SEH1L: variants seen among roughly 807,000 people sequenced by gnomAD.
SEH1L encodes nucleoporin SEH1.
Under a neutral mutation model 49.5 loss-of-function variants are expected in SEH1L, and 18 were observed. That is an observed-to-expected ratio of 0.36 (90% CI 0.25 to 0.54). SEH1L has a LOEUF of 0.54. SEH1L is among the 20% of genes least tolerant of loss of function. SEH1L has a pLI of 0.87. For synonymous variants in SEH1L, 169 were observed against 178.1 expected, an observed-to-expected ratio of 0.95 and a Z score of 0.41; for missense variants, 404 against 528.8, an observed-to-expected ratio of 0.76 and a Z score of 2.31.
intron 1 of SEH1L, among the ~76,000 whole-genome samples, chr18:12,949,949 A>G (rs1310152959): frequency 1.3e-5 from 2 of 152,118 alleles, no homozygotes; most frequent in African/African-American, 2.4e-5. Context: ...TGCATATTCT[A>G]GGTACCTCAG....
intron 1 of SEH1L, among the ~76,000 whole-genome samples, chr18:12,949,213 C>T (rs2030337794): frequency 6.6e-6 from 1 of 151,204 alleles, no homozygotes; most frequent in Non-Finnish European, 1.5e-5. Flanking sequence ...GATTTAGGAA[C>T]CTCCCAGATG....
intron 5 of SEH1L, chr18:12,975,882 C>T (rs778025117): frequency 2.1e-5 from 21 of 985,526 alleles, no homozygotes; most frequent in Non-Finnish European, 2.4e-5. Flanking sequence ...CTGTAGGTCA[C>T]GTGAGTCTTG....
rs117978838 is a variant in SEH1L at position 12,951,879 on chromosome 18, G to A, written c.136G>A (p.Asp46Asn). The A allele has an allele frequency of 0.015, 24,160 of 1,574,788 alleles. 247 individuals carry two copies. The highest frequency in any genetic ancestry group is 0.033 in the Middle Eastern group (197 of 5,944). The change falls in exon 2 of 9, where the codon GAT (aspartate) becomes AAT (asparagine). Residue 46 changes from aspartate to asparagine, a missense_variant. Around this residue, in one of 3 missense-constraint regions of SEH1L, gnomAD observed 57 missense variants for 71.9 expected, o/e 0.79. Transcript: ENST00000399892. ...GGTCTGGGATAAAAGTGAAAGTGGT[G>A]ATTGGCATTGTACTGCTAGCTGGAA... is the stretch of plus-strand genomic sequence containing the variant. ...VKVWDKSESGDWHCTASWKTH... is the reference protein window; with the variant it reads ...VKVWDKSESGNWHCTASWKTH...
chr18:12,985,456 T>A, intron 8 of SEH1L: 1 of 1,280,090 alleles, frequency 7.8e-7, no homozygotes, highest in East Asian at 3.1e-5. Context: ...TTGACACTAT[T>A]TGAAACTTTT....
intron 3 of SEH1L, among the ~76,000 whole-genome samples, chr18:12,959,023 T>A (rs771008612): frequency 6.6e-6 from 1 of 152,222 alleles, no homozygotes; most frequent in Non-Finnish European, 1.5e-5. Flanking sequence ...GTGGTGCTAT[T>A]TATTGTAGCC....
rs769395799 is a variant in SEH1L at position 12,978,886 on chromosome 18, C to T, written c.755C>T (p.Pro252Leu). ...GATGTGAGAATTTTTACATTAAAGC[C>T]TGTGAGGTGAGTTTTAGAAGCATTT... ...TKDVRIFTLK[P>L]VRKELTSSGG... The change falls in exon 6 of 9, where the codon CCT becomes CTT. Residue 252 changes from proline to leucine, a missense_variant. By Grantham distance (98) the Pro-to-Leu change is moderately conservative. Coordinates refer to ENST00000399892, the MANE Select transcript of SEH1L (RefSeq NM_001013437.2). The T allele has an allele frequency of 3.1e-6, 5 of 1,613,534 alleles. No homozygotes were observed. The African/African-American group carries it at 6.7e-5, about 22-fold the overall frequency.
chr18:12,980,865 G>T (rs570714005), intron 6 of SEH1L, among the ~76,000 whole-genome samples: 1 of 143,258 alleles, frequency 7.0e-6, no homozygotes, highest in Non-Finnish European at 1.5e-5. Flanking sequence ...CTGGCCGGGC[G>T]GGGGGCTGAC....
intron 3 of SEH1L, among the ~76,000 whole-genome samples, chr18:12,961,114 G>T (rs1312243479): frequency 6.6e-6 from 1 of 152,164 alleles, no homozygotes; most frequent in Non-Finnish European, 1.5e-5. Flanking sequence ...ATGTGCAGTG[G>T]CCCACTAGTG....
In SEH1L at chr18:12,987,244, G is replaced by A. The variant is rs112381580; in HGVS notation, c.*187G>A. The stretch of plus-strand genomic sequence containing the variant: ...GTGCGTCTGCATCAAAGGAACATTT[G>A]CTTCACTGGGTGATAACCTTTGATG... On this transcript the variant is annotated 3_prime_UTR_variant, in exon 9 of 9. Coordinates refer to ENST00000399892, the MANE Select transcript of SEH1L (RefSeq NM_001013437.2). 9,670 of 441,514 alleles carry A rather than the reference G, an allele frequency of 0.022. 563 individuals carry two copies. The highest frequency in any genetic ancestry group is 0.14 in the African/African-American group (7,053 of 49,218). 27.3% of individuals were successfully genotyped at this position (441,514 alleles called of 1,614,324 possible).
chr18:12,957,201 A>G (rs1255566608), intron 3 of SEH1L, among the ~76,000 whole-genome samples: 2 of 152,154 alleles, frequency 1.3e-5, no homozygotes, highest in Non-Finnish European at 2.9e-5. Flanking sequence ...GCCAAAATGG[A>G]CAGATCACCT....
intron 2 of SEH1L, 58 bp downstream of exon 2, chr18:12,951,963 A>G (rs937312287): frequency 4.7e-5 from 44 of 937,432 alleles, no homozygotes; most frequent in Non-Finnish European, 3.4e-5. Context: ...TTTATTTTAT[A>G]GTTATCTATG....
intron 6 of SEH1L, 72 bp downstream of exon 6, chr18:12,978,964 A>C: frequency 7.2e-7 from 1 of 1,383,962 alleles, no homozygotes. Context: ...TGGAGGAGAG[A>C]GTAGAGGTAA....
intron 3 of SEH1L, among the ~76,000 whole-genome samples, chr18:12,961,140 G>C (rs188989362): frequency 2.6e-5 from 4 of 152,170 alleles, no homozygotes; most frequent in Non-Finnish European, 5.9e-5. Context: ...GAGGGGCTGC[G>C]TGTGCAGTGT....
chr18:12,957,353 G>A (rs1323049265), intron 3 of SEH1L, among the ~76,000 whole-genome samples: 2 of 152,078 alleles, frequency 1.3e-5, no homozygotes, highest in Admixed American at 6.6e-5. Flanking sequence ...GCTTGAACCC[G>A]GGAGGCGGAG....
At chr18:12,980,839 C>G (rs1165336012) in intron 6 of SEH1L, among the ~76,000 whole-genome samples, 1 of 122,542 alleles carries the variant, frequency 8.2e-6, no homozygotes, top group Non-Finnish European at 1.8e-5. Context: ...CCCCACTTCC[C>G]TTCCGGACGG....
intron 6 of SEH1L, among the ~76,000 whole-genome samples, chr18:12,979,172 A>G (rs1200788203): frequency 6.7e-6 from 1 of 150,310 alleles, no homozygotes; most frequent in Non-Finnish European, 1.5e-5. Flanking sequence ...CAGATAAACA[A>G]GTGAACAAAG....
At chr18:12,966,202 C>G (rs1014837309) in intron 4 of SEH1L, among the ~76,000 whole-genome samples, 1 of 150,832 alleles carries the variant, frequency 6.6e-6, no homozygotes, top group African/African-American at 2.4e-5. Flanking sequence ...AAGAGATTCT[C>G]CTGCCTCAGC....
intron 2 of SEH1L, among the ~76,000 whole-genome samples, chr18:12,954,941 A>ATT (rs1287103430): frequency 6.6e-6 from 1 of 152,188 alleles, no homozygotes; most frequent in African/African-American, 2.4e-5. Flanking sequence ...CCCTGTGCTC[A>ATT]TTTAGCAGTC....
At chr18:12,986,284 A>G (rs2032454410) in intron 8 of SEH1L, 2 of 985,242 alleles carry the variant, frequency 2.0e-6, no homozygotes, top group Non-Finnish European at 2.4e-6. Context: ...AGTAGGGCAC[A>G]GTCATTCTGT....
Sources: gnomAD v4.1 joint callset for allele counts (sites outside exome capture counted in the v4.1 genomes callset) on GRCh38, gnomAD v4.1.1 for gene constraint, gnomAD v4.1.1 regional missense constraint, MANE v1.5 for transcripts, NCBI Gene and HGNC (gene_info 2026-07-23, HGNC 2026-07-21) for gene names.